KLHL21: variants seen among roughly 807,000 people sequenced by gnomAD.
The protein encoded by KLHL21 is kelch like family member 21, also known as kelch-like protein 21.
Under a neutral mutation model 44.1 loss-of-function variants are expected in KLHL21, and 42 were observed. The ratio of observed to expected loss-of-function variants is 0.95; its 90% confidence interval spans 0.74 to 1.23. The LOEUF is 1.23. Ranked by LOEUF, KLHL21 falls within the 50% of genes most tolerant of loss-of-function variation. KLHL21 has a pLI of 0.00. For missense variants in KLHL21, 918 were observed against 889.1 expected (o/e 1.03, Z -0.41); for synonymous variants, 524 against 411.6 (o/e 1.27, Z -3.31).
Position 6,602,106 on chromosome 1 carries a change from CGTGCGCCAACAG to C in KLHL21, c.700_711del (p.Leu234_His237del). The C allele has an allele frequency of 1.4e-6, 2 of 1,471,194 alleles. No homozygotes were observed. Among genetic ancestry groups the C allele is most frequent in the Non-Finnish European group, 8.9e-7 (1 of 1,117,528 alleles). 91.1% of individuals were successfully genotyped at this position (1,471,194 alleles called of 1,614,324 possible). ...CGCGCCACCAGCGGCTCGGCCTCGA[CGTGCGCCAACAG>C]GTAGAAGCGGCGCACGAAGGGCAGG... is the stretch of plus-strand genomic sequence containing the variant. On this transcript the variant is annotated inframe_deletion, in exon 1 of 4. Coordinates refer to ENST00000377658, the MANE Select transcript of KLHL21 (RefSeq NM_014851.4).
At chr1:6,595,057 C>A in intron 3 of KLHL21, 1 of 333,480 alleles carries the variant, frequency 3.0e-6, no homozygotes, top group Admixed American at 4.7e-5. Context: ...GACCCTGTCT[C>A]AAAAATAAAA....
chr1:6,602,843 CGCCGCGGCCGGGGCCTGCGGAGA>C lies in KLHL21; in HGVS notation c.-49_-27del. On this transcript the variant is annotated 5_prime_UTR_variant, in exon 1 of 4. Transcript: ENST00000377658. ...GGCGCCTTCGATAGGTTGTCGAGGA[CGCCGCGGCCGGGGCCTGCGGAGA>C]GACGCGGCGCGCTAGGCACCGCTGC... 1 of 1,399,454 alleles carries C rather than the reference CGCCGCGGCCGGGGCCTGCGGAGA, an allele frequency of 7.1e-7. No individual in the cohort carries two copies. The highest frequency in any genetic ancestry group is 9.2e-7 in the Non-Finnish European group (1 of 1,086,386). The allele number at this position is 1,399,454 out of a possible 1,614,324, so 86.7% of individuals were successfully genotyped here. A position where few individuals can be genotyped will look rare whatever the true frequency, so the allele number is the denominator to read the frequency against.
In KLHL21 at chr1:6,602,345, T is replaced by C. The variant is rs998543339; in HGVS notation, c.473A>G (p.Gln158Arg). The C allele has an allele frequency of 6.4e-7, 1 of 1,560,732 alleles. No homozygotes were observed. The highest frequency in any genetic ancestry group is 8.6e-7 in the Non-Finnish European group (1 of 1,158,682). Residue 158 changes from glutamine to arginine, a missense_variant, in exon 1 of 4, where the codon CAG becomes CGG. Physicochemically the swap from Gln to Arg is conservative, Grantham distance 43. Coordinates refer to ENST00000377658, the MANE Select transcript of KLHL21 (RefSeq NM_014851.4). Reference sequence around the variant, plus strand: ...GCCCACGTGGCGCAGAATGAACCGCTGCGCCGCGCTCGCCAGTCCCGAGCA... The same window carrying C: ...GCCCACGTGGCGCAGAATGAACCGCCGCGCCGCGCTCGCCAGTCCCGAGCA... ...FSCSGLASAA[Q>R]RFILRHVGEL...
rs527537968 is a variant in KLHL21 at position 6,599,213 on chromosome 1, G to A, written c.1261C>T (p.Arg421Cys). 7.1e-5 allele frequency: 114 copies of A among 1,614,104 alleles called. 1 individual carries two copies. Among genetic ancestry groups the A allele is most frequent in the South Asian group, 5.7e-4 (52 of 91,076 alleles). The stretch of plus-strand genomic sequence containing the variant: ...GAGCCGATGGCATAGAGCCGGCCAC[G>A]GCACGCAGTGGTGGAGCAGTTGTCC... ...PMDNCSTTAC[R>C]GRLYAIGSLA... The change falls in exon 2 of 4, where the codon CGT (arginine) becomes TGT (cysteine). Residue 421 changes from arginine to cysteine, a missense_variant. Transcript: ENST00000377658.
chr1:6,599,797 G>GAT, intron 1 of KLHL21: 1 of 260,074 alleles, frequency 3.8e-6, no homozygotes, highest in Non-Finnish European at 7.3e-6. Context: ...CTCCTGGGGA[G>GAT]CCACAGAGCT....
At chr1:6,599,757 C>G (rs1640988755) in intron 1 of KLHL21, 1 of 382,778 alleles carries the variant, frequency 2.6e-6, no homozygotes, top group Non-Finnish European at 4.8e-6. Context: ...TACACCTCAG[C>G]AGACCAGAGC....
At chr1:6,595,347 G>A (rs1380953546) in intron 3 of KLHL21, 138 bp downstream of exon 3, 2 of 778,600 alleles carry the variant, frequency 2.6e-6, no homozygotes, top group Admixed American at 2.0e-5. Context: ...GCAAAATAAG[G>A]GTAAGAGCAG....
At position 6,602,607 on chromosome 1, in the gene KLHL21, C is replaced by A; in HGVS notation, c.211G>T (p.Glu71Ter). 5.2e-6 allele frequency: 8 copies of A among 1,524,152 alleles called. No individual in the cohort carries two copies. Among genetic ancestry groups the A allele is most frequent in the African/African-American group, 1.4e-5 (1 of 71,742 alleles). 94.4% of individuals were successfully genotyped at this position (1,524,152 alleles called of 1,614,324 possible). Residue 71 changes from glutamate to a stop codon, truncating the protein, a stop_gained, in exon 1 of 4, where the codon GAG becomes TAG. Coordinates refer to ENST00000377658, the MANE Select transcript of KLHL21 (RefSeq NM_014851.4). LOFTEE classifies it high-confidence loss of function. ...FRAMFAGQLR[E>*]SRAERVRLHG... ...AGGCGCACCCGCTCGGCGCGGCTCT[C>A]GCGCAGCTGCCCCGCGAACATGGCG...
chr1:6,602,018 C>T lies in KLHL21; in HGVS notation c.800G>A (p.Arg267His). The change falls in exon 1 of 4, where the codon CGC becomes CAC. Residue 267 changes from arginine (R) to histidine (H), a missense_variant. Arg to His is a conservative substitution (Grantham distance 29). Coordinates refer to ENST00000377658, the MANE Select transcript of KLHL21 (RefSeq NM_014851.4). ...TCGGGGACAGGGCCCGCGGTCGTGG[C>T]GGTCGTAGCGCGCCGCCTGGAAGTC... ...ARDFQAARYD[R>H]HDRGPCPRMR... 1 of 1,532,778 alleles carries T rather than the reference C, an allele frequency of 6.5e-7. No homozygotes were observed. Among genetic ancestry groups the T allele is most frequent in the East Asian group, 2.5e-5 (1 of 39,608 alleles). The allele number at this position is 1,532,778 out of a possible 1,614,324, so 94.9% of individuals were successfully genotyped here.
In KLHL21 at chr1:6,593,414, A is replaced by G. The variant is rs1448126967; in HGVS notation, c.1745T>C (p.Met582Thr). 6.2e-7 allele frequency: 1 copy of G among 1,611,152 alleles called. No homozygotes were observed. The highest frequency in any genetic ancestry group is 1.1e-5 in the South Asian group (1 of 91,066). ...GFELDSGSDD[M>T]DPGRPRPPRD... is the part of the protein sequence containing the mutation. ...CGGCGGCCGGGGTCGGCCTGGGTCC[A>G]TGTCATCGCTGCCACTGTCCAACTC... The change falls in exon 4 of 4, where the codon ATG becomes ACG. Residue 582 changes from methionine to threonine, a missense_variant. Met to Thr is a moderately conservative substitution (Grantham distance 81). Coordinates refer to ENST00000377658, the MANE Select transcript of KLHL21 (RefSeq NM_014851.4).
intron 1 of KLHL21, among the ~76,000 whole-genome samples, chr1:6,600,448 G>C (rs542755780): frequency 6.6e-6 from 1 of 152,352 alleles, no homozygotes; most frequent in African/African-American, 2.4e-5. Context: ...GGGACCCCAA[G>C]CATCCTGGGG....
chr1:6,594,118 GA>G (rs1640892405), intron 3 of KLHL21: 1 of 989,932 alleles, frequency 1.0e-6, no homozygotes, highest in Non-Finnish European at 1.2e-6. Flanking sequence ...TTACTGCGGG[GA>G]AAACAGAACG....
In KLHL21 at chr1:6,602,775, G is replaced by C; in HGVS notation, c.43C>G (p.Pro15Ala). 1 of 1,481,088 alleles carries C rather than the reference G, an allele frequency of 6.8e-7. No homozygotes were observed. Among genetic ancestry groups the C allele is most frequent in the Admixed American group, 2.4e-5 (1 of 41,156 alleles). The allele number at this position is 1,481,088 out of a possible 1,614,324, so 91.7% of individuals were successfully genotyped here. ...APLAVLPFSDPAHALSLLRGL... is the reference protein window; with the variant it reads ...APLAVLPFSDAAHALSLLRGL... ...CGCAGCAGGCTCAGGGCGTGCGCGG[G>C]GTCCGAGAAGGGAAGCACGGCCAGG... is the stretch of plus-strand genomic sequence containing the variant. The change falls in exon 1 of 4, where the codon CCC becomes GCC. Residue 15 changes from proline (P) to alanine (A), a missense_variant. Pro to Ala is a conservative substitution (Grantham distance 27, BLOSUM62 -1). Transcript: ENST00000377658.
chr1:6,599,445 G>A lies in KLHL21; in HGVS notation c.1029C>T (p.Ser343=), dbSNP rs2232460. 538,628 of 1,599,526 alleles carry A rather than the reference G, an allele frequency of 0.34. 92,024 individuals carry two copies. Among genetic ancestry groups the A allele is most frequent in the South Asian group, 0.45 (40,511 of 90,376 alleles). ...CGCAGTCATAGAGCCGGGAGCCATC[G>A]GACCCACCTGCCAGGACGCATGACA... ...LGNDIYVTGG[S]DGSRLYDCVW... The change falls in exon 2 of 4, where the codon TCC becomes TCT. Residue 343 remains serine, a synonymous_variant. Transcript: ENST00000377658.
intron 2 of KLHL21, among the ~76,000 whole-genome samples, chr1:6,596,022 C>T (rs1196175443): frequency 1.3e-5 from 2 of 152,222 alleles, no homozygotes; most frequent in East Asian, 3.9e-4. Context: ...TGAAGTACCC[C>T]TCACTTTGGG....
chr1:6,598,062 C>A (rs758523173), intron 2 of KLHL21, among the ~76,000 whole-genome samples: 2 of 152,226 alleles, frequency 1.3e-5, no homozygotes, highest in Non-Finnish European at 2.9e-5. Flanking sequence ...TCAACTCCAC[C>A]ACCTGTGAAA....
At position 6,602,110 on chromosome 1, in the gene KLHL21, C is replaced by T; in HGVS notation, c.708G>A (p.Ala236=). 1 of 1,467,974 alleles carries T rather than the reference C, an allele frequency of 6.8e-7. No homozygotes were observed. Among genetic ancestry groups the T allele is most frequent in the Non-Finnish European group, 9.0e-7 (1 of 1,116,216 alleles). The allele number at this position is 1,467,974 out of a possible 1,614,324, so 90.9% of individuals were successfully genotyped here. ...LPFVRRFYLL[A]HVEAEPLVAR... ...CCACCAGCGGCTCGGCCTCGACGTG[C>T]GCCAACAGGTAGAAGCGGCGCACGA... The change falls in exon 1 of 4, where the codon GCG becomes GCA. Residue 236 remains alanine (A), a synonymous_variant. Coordinates refer to ENST00000377658, the MANE Select transcript of KLHL21 (RefSeq NM_014851.4).
chr1:6,592,595 G>A lies in KLHL21; in HGVS notation c.*770C>T, dbSNP rs991915396. On this transcript the variant is annotated 3_prime_UTR_variant, in exon 4 of 4. Coordinates refer to ENST00000377658, the MANE Select transcript of KLHL21 (RefSeq NM_014851.4). ...GACTCCTCACGCGCAGGCCCAGCAA[G>A]GGCTTGGGCACCCGCAGCTGTCTGC... The A allele has an allele frequency of 6.6e-6, 1 of 152,284 alleles. No individual in the cohort carries two copies. Among genetic ancestry groups the A allele is most frequent in the Admixed American group, 6.5e-5 (1 of 15,288 alleles). 9.4% of individuals were successfully genotyped at this position (152,284 alleles called of 1,614,324 possible).
chr1:6,592,302 CA>C lies in KLHL21; in HGVS notation c.*1062del, dbSNP rs760452989. 19 of 152,194 alleles carry C rather than the reference CA, an allele frequency of 1.2e-4. No individual in the cohort carries two copies. The highest frequency in any genetic ancestry group is 2.4e-4 in the Non-Finnish European group (16 of 68,022). 9.4% of individuals were successfully genotyped at this position (152,194 alleles called of 1,614,324 possible). ...CTCTTCTCTAAAAAGGAGGCAAGGA[CA>C]AAAACTCAAGCCAAGGCTACTTTGG... On this transcript the variant is annotated 3_prime_UTR_variant, in exon 4 of 4. Coordinates refer to ENST00000377658, the MANE Select transcript of KLHL21 (RefSeq NM_014851.4).
Sources: allele counts gnomAD v4.1 joint callset (sites outside exome capture counted in the v4.1 genomes callset), GRCh38; gene constraint gnomAD v4.1.1; transcripts MANE v1.5; gene names NCBI Gene and HGNC (gene_info 2026-07-23, HGNC 2026-07-21).